Variants in ATF6 observed in about 807,000 individuals in gnomAD.
ATF6 encodes the protein cyclic AMP-dependent transcription factor ATF-6 alpha.
A neutral mutation model predicts 83.6 loss-of-function variants in ATF6; 53 were observed. That is an observed-to-expected ratio of 0.63 (90% CI 0.51 to 0.80). The LOEUF (loss-of-function observed/expected upper bound fraction) is 0.80, where lower values mean the gene tolerates loss of function less well. Ranked by LOEUF, ATF6 falls within the 30% of genes least tolerant of loss-of-function variation. The pLI is 0.00. For missense variants in ATF6, 744 were observed against 797.9 expected, an observed-to-expected ratio of 0.93 and a Z score of 0.81; for synonymous variants, 288 against 285.8, an observed-to-expected ratio of 1.01 and a Z score of -0.08.
intron 4 of ATF6, among the ~76,000 whole-genome samples, chr1:161,786,016 A>G (rs1684740706): frequency 6.7e-6 from 1 of 149,466 alleles, no homozygotes. Context: ...CTTGTCTACC[A>G]GGCTGGGGTG....
At chr1:161,826,121 G>C (rs1685890452) in intron 9 of ATF6, among the ~76,000 whole-genome samples, 1 of 152,102 alleles carries the variant, frequency 6.6e-6, no homozygotes, top group South Asian at 2.1e-4. Flanking sequence ...AACCAGTAAC[G>C]CTGCTAGTGG....
chr1:161,798,481 A>G (rs1306348409), intron 6 of ATF6, among the ~76,000 whole-genome samples: 1 of 152,128 alleles, frequency 6.6e-6, no homozygotes. Flanking sequence ...GCATGGTGGT[A>G]CATGCTTGTA....
chr1:161,869,709 A>C (rs2101846670), intron 14 of ATF6, among the ~76,000 whole-genome samples: 1 of 152,010 alleles, frequency 6.6e-6, no homozygotes, highest in Admixed American at 6.6e-5. Context: ...GAGTTGACTG[A>C]GTACCCTAGG....
At chr1:161,826,105 A>G (rs2101792543) in intron 9 of ATF6, among the ~76,000 whole-genome samples, 1 of 152,328 alleles carries the variant, frequency 6.6e-6, no homozygotes, top group East Asian at 1.9e-4. Flanking sequence ...GAGGGAACAT[A>G]GAAGTAACCA....
intron 15 of ATF6, 73 bp from the exon 16 acceptor site, chr1:161,958,373 C>T: frequency 7.0e-7 from 1 of 1,437,270 alleles, no homozygotes; most frequent in South Asian, 1.3e-5. Flanking sequence ...TTCTGTATTT[C>T]TGGGGCTGAA....
At chr1:161,766,476 C>T (rs2101706014) in intron 1 of ATF6, 34 bp downstream of exon 1, 3 of 1,602,388 alleles carry the variant, frequency 1.9e-6, no homozygotes, top group Non-Finnish European at 2.6e-6. Flanking sequence ...CAGGGTGGCT[C>T]GGGTTCGCGT....
intron 9 of ATF6, among the ~76,000 whole-genome samples, chr1:161,826,363 A>G (rs1264677237): frequency 6.6e-6 from 1 of 152,222 alleles, no homozygotes; most frequent in Non-Finnish European, 1.5e-5. Context: ...CTGCTGAAGT[A>G]AAGGTGGGGA....
chr1:161,811,575 A>T (rs919778786), intron 7 of ATF6, among the ~76,000 whole-genome samples: 4 of 152,242 alleles, frequency 2.6e-5, no homozygotes, highest in African/African-American at 9.6e-5. Context: ...AAAACAAAAA[A>T]TAGTACAGAG....
intron 15 of ATF6, among the ~76,000 whole-genome samples, chr1:161,941,030 A>G (rs980837522): frequency 6.6e-6 from 1 of 152,172 alleles, no homozygotes; most frequent in African/African-American, 2.4e-5. Flanking sequence ...GCAAGGGCTT[A>G]CTCATCTCTC....
At chr1:161,888,276 A>G (rs1207763338) in intron 14 of ATF6, among the ~76,000 whole-genome samples, 1 of 152,226 alleles carries the variant, frequency 6.6e-6, no homozygotes, top group African/African-American at 2.4e-5. Flanking sequence ...AAATAGAGTA[A>G]CCATTTGTTA....
At chr1:161,837,621 C>A (rs1686254708) in intron 9 of ATF6, among the ~76,000 whole-genome samples, 1 of 132,492 alleles carries the variant, frequency 7.5e-6, no homozygotes, top group Admixed American at 8.7e-5. Flanking sequence ...TCCTTTCTCC[C>A]ATTTTTTTTT....
At chr1:161,909,750 A>G (rs1041795545) in intron 14 of ATF6, among the ~76,000 whole-genome samples, 17 of 152,020 alleles carry the variant, frequency 1.1e-4, no homozygotes, top group African/African-American at 1.7e-4. Flanking sequence ...AGGTCAGGAG[A>G]TCAAGACCAT....
At chr1:161,788,066 C>A (rs1412512727) in intron 4 of ATF6, among the ~76,000 whole-genome samples, 1 of 152,052 alleles carries the variant, frequency 6.6e-6, no homozygotes, top group Non-Finnish European at 1.5e-5. Flanking sequence ...GTGAGAAATC[C>A]TTTAGAATAT....
At chr1:161,798,566 T>G (rs749710600) in intron 6 of ATF6, among the ~76,000 whole-genome samples, 14 of 152,122 alleles carry the variant, frequency 9.2e-5, no homozygotes, top group Non-Finnish European at 2.1e-4. Flanking sequence ...GAGCTGAGAT[T>G]GTGCCACTGC....
intron 9 of ATF6, among the ~76,000 whole-genome samples, chr1:161,832,653 C>G (rs1191731457): frequency 1.3e-5 from 2 of 152,240 alleles, no homozygotes; most frequent in Non-Finnish European, 2.9e-5. Flanking sequence ...GAGCCTCGCT[C>G]ATTGCTAGCA....
In ATF6 at chr1:161,959,313, T is replaced by C. The variant is rs1258533728; in HGVS notation, c.*659T>C. 6.6e-6 allele frequency: 1 copy of C among 151,948 alleles called. No individual in the cohort carries two copies. Among genetic ancestry groups the C allele is most frequent in the Non-Finnish European group, 1.5e-5 (1 of 68,016 alleles). 9.4% of individuals were successfully genotyped at this position (151,948 alleles called of 1,614,324 possible). On this transcript the variant is annotated 3_prime_UTR_variant, in exon 16 of 16. Transcript: ENST00000367942. ...AGGGGGTCAGGGAGTGGGTACAAAT[T>C]TGAGAAAATAGAAGGGTAAGGGAAG...
intron 15 of ATF6, among the ~76,000 whole-genome samples, chr1:161,948,921 G>A (rs1169398335): frequency 5.9e-5 from 9 of 152,238 alleles, no homozygotes; most frequent in African/African-American, 1.9e-4. Flanking sequence ...CAAGTTCAGC[G>A]TGGACTGAGA....
Position 161,821,100 on chromosome 1 carries a change from C to A in ATF6, c.1126C>A (p.Arg376=). The change falls in exon 9 of 16, where the codon CGA becomes AGA. Residue 376 remains arginine, a synonymous_variant. Coordinates refer to ENST00000367942, the MANE Select transcript of ATF6 (RefSeq NM_007348.4). Reference sequence around the variant, plus strand: ...GAGGCTTAAAGTCCCTAGTCCAAAGCGAAGAGTTGTCTGTGTGATGATAGT... The same window carrying A: ...GAGGCTTAAAGTCCCTAGTCCAAAGAGAAGAGTTGTCTGTGTGATGATAGT... The part of the protein sequence containing the change: ...NQRLKVPSPK[R]RVVCVMIVLA... 4 of 1,612,802 alleles carry A rather than the reference C, an allele frequency of 2.5e-6. No homozygotes were observed. The highest frequency in any genetic ancestry group is 3.4e-6 in the Non-Finnish European group (4 of 1,179,262).
chr1:161,926,518 A>G (rs560035086), intron 15 of ATF6, among the ~76,000 whole-genome samples: 1 of 152,322 alleles, frequency 6.6e-6, no homozygotes, highest in South Asian at 2.1e-4. Context: ...CTGTTCCGTA[A>G]GAGTGAGAAA....
Sources: gnomAD v4.1 joint callset for allele counts (sites outside exome capture counted in the v4.1 genomes callset) on GRCh38, gnomAD v4.1.1 for gene constraint, MANE v1.5 for transcripts, NCBI Gene and HGNC (gene_info 2026-07-23, HGNC 2026-07-21) for gene names.